Variants in LIN7A observed in about 807,000 individuals in gnomAD.
LIN7A encodes the protein protein lin-7 homolog A.
A neutral mutation model predicts 29.8 loss-of-function variants in LIN7A; 25 were observed. That is an observed-to-expected ratio of 0.84 (90% confidence interval 0.61 to 1.17). The LOEUF (loss-of-function observed/expected upper bound fraction) is 1.17. LIN7A is among the 50% of genes most tolerant of loss of function. The probability of loss-of-function intolerance (pLI) is 0.00; values close to 1 mark genes in which losing one functional copy is unlikely to be tolerated. For synonymous variants in LIN7A, 118 were observed against 107.5 expected, an observed-to-expected ratio of 1.10 and a Z score of -0.60; for missense variants, 239 against 287.0, an observed-to-expected ratio of 0.83 and a Z score of 1.21.
rs1285781054 is a variant in LIN7A at position 80,807,065 on chromosome 12, T to TTTTTTTTG, written c.*4399_*4400insCAAAAAAA. ...ATAGGAAATTTAATGAAGATGGAGTTTTTTTTTTTTTTTTTTTTTTTTTTT... is the reference window on the plus strand; with the variant it reads ...ATAGGAAATTTAATGAAGATGGAGTTTTTTTTTGTTTTTTTTTTTTTTTTTTTTTTTTT... On this transcript the variant is annotated intron_variant, in intron 5 of 5. Coordinates refer to ENST00000552864, the MANE Select transcript of LIN7A (RefSeq NM_004664.4). Among the ~76,000 whole-genome samples the TTTTTTTTG allele has an allele frequency of 3.4e-4, 16 of 46,624 alleles. 1 individual carries two copies. Among genetic ancestry groups the TTTTTTTTG allele is most frequent in the South Asian group, 2.2e-3 (2 of 898 alleles). The allele number at this position is 46,624 out of a possible 152,430, so 30.6% of individuals were successfully genotyped here. A position where few individuals can be genotyped will look rare whatever the true frequency, so the allele number is the denominator to read the frequency against.
intron 4 of LIN7A, chr12:80,845,431 A>G: frequency 3.7e-6 from 1 of 268,642 alleles, no homozygotes. Context: ...GTATCTTGAA[A>G]TTACTGTATT....
chr12:80,807,312 C>T (rs1391999373), intron 5 of LIN7A, among the ~76,000 whole-genome samples: 1 of 152,014 alleles, frequency 6.6e-6, no homozygotes. Flanking sequence ...CCTTGTGATC[C>T]ACCTGCCTTG....
At position 80,793,554 on chromosome 12, in the gene LIN7A, G is replaced by C. The variant is rs1435404824; in HGVS notation, c.*4173C>G. The C allele has an allele frequency of 6.6e-6, 1 of 152,120 alleles. No individual in the cohort carries two copies. Among genetic ancestry groups the C allele is most frequent in the Non-Finnish European group, 1.5e-5 (1 of 68,006 alleles). The allele number at this position is 152,120 out of a possible 1,614,324, so 9.4% of individuals were successfully genotyped here. A position where few individuals can be genotyped will look rare whatever the true frequency, so the allele number is the denominator to read the frequency against. The stretch of plus-strand genomic sequence containing the variant: ...AGTTTCTCACAGTAACCTCCAAGAG[G>C]GATTGTGTCTGTCTTGTTTGCTGTT... On this transcript the variant is annotated 3_prime_UTR_variant, in exon 6 of 6. Coordinates refer to ENST00000552864, the MANE Select transcript of LIN7A (RefSeq NM_004664.4).
chr12:80,843,524 G>C (rs548163047), intron 4 of LIN7A, among the ~76,000 whole-genome samples: 1 of 152,114 alleles, frequency 6.6e-6, no homozygotes, highest in African/African-American at 2.4e-5. Flanking sequence ...AGCAGAGTTT[G>C]CCATAAGACT....
intron 2 of LIN7A, among the ~76,000 whole-genome samples, chr12:80,877,355 C>G (rs1874764176): frequency 6.6e-6 from 1 of 151,910 alleles, no homozygotes; most frequent in South Asian, 2.1e-4. Context: ...GCAGCTAAAG[C>G]GAATGAACCA....
intron 2 of LIN7A, among the ~76,000 whole-genome samples, chr12:80,884,092 T>C (rs542733703): frequency 6.6e-6 from 1 of 152,206 alleles, no homozygotes; most frequent in Non-Finnish European, 1.5e-5. Context: ...GCAAATAAAA[T>C]TTGTGACCTA....
intron 4 of LIN7A, among the ~76,000 whole-genome samples, chr12:80,811,993 C>T (rs950626518): frequency 2.0e-5 from 3 of 151,858 alleles, no homozygotes; most frequent in Non-Finnish European, 2.9e-5. Context: ...AGAGTAAATG[C>T]ACTAGTCAAC....
At chr12:80,870,770 A>G (rs1874389561) in intron 2 of LIN7A, among the ~76,000 whole-genome samples, 1 of 152,216 alleles carries the variant, frequency 6.6e-6, no homozygotes, top group Admixed American at 6.5e-5. Context: ...AGAACATCAG[A>G]GTGCTCCTCC....
intron 2 of LIN7A, among the ~76,000 whole-genome samples, chr12:80,876,209 T>C (rs1874694366): frequency 6.6e-6 from 1 of 151,954 alleles, no homozygotes; most frequent in Admixed American, 6.5e-5. Context: ...GCCACCCCTG[T>C]TCCCCAAACT....
At chr12:80,847,386 A>T (rs1873127545) in intron 3 of LIN7A, among the ~76,000 whole-genome samples, 1 of 152,126 alleles carries the variant, frequency 6.6e-6, no homozygotes, top group South Asian at 2.1e-4. Flanking sequence ...AAACAAAACA[A>T]AAAAACCTTA....
chr12:80,808,651 G>A (rs1480281227), intron 5 of LIN7A, among the ~76,000 whole-genome samples: 2 of 151,414 alleles, frequency 1.3e-5, no homozygotes, highest in African/African-American at 4.9e-5. Context: ...GACTACAGGC[G>A]CCCGCCACCA....
intron 1 of LIN7A, among the ~76,000 whole-genome samples, chr12:80,934,216 A>T (rs886180444): frequency 6.6e-6 from 1 of 152,224 alleles, no homozygotes; most frequent in African/African-American, 2.4e-5. Context: ...TAATTACCAC[A>T]AAAAGTAGAA....
intron 2 of LIN7A, among the ~76,000 whole-genome samples, chr12:80,862,889 A>G (rs1873945375): frequency 6.6e-6 from 1 of 152,238 alleles, no homozygotes; most frequent in African/African-American, 2.4e-5. Flanking sequence ...AGAATTAAAG[A>G]TTCCAGATTG....
intron 4 of LIN7A, among the ~76,000 whole-genome samples, chr12:80,815,772 C>T (rs1476024598): frequency 6.6e-6 from 1 of 152,156 alleles, no homozygotes; most frequent in African/African-American, 2.4e-5. Context: ...TATCCCCTTG[C>T]TTTAAGAGTT....
chr12:80,895,376 A>T (rs536896256), intron 1 of LIN7A, among the ~76,000 whole-genome samples: 31 of 152,338 alleles, frequency 2.0e-4, no homozygotes, highest in African/African-American at 7.2e-4. Flanking sequence ...TCATTCTCTA[A>T]TGATGAGTTT....
At chr12:80,804,807 G>T (rs1417001161) in intron 5 of LIN7A, among the ~76,000 whole-genome samples, 1 of 152,068 alleles carries the variant, frequency 6.6e-6, no homozygotes, top group Non-Finnish European at 1.5e-5. Context: ...AGCCGCTTTG[G>T]CCTCCCAAAA....
At chr12:80,868,842 G>C (rs997272172) in intron 2 of LIN7A, among the ~76,000 whole-genome samples, 3 of 152,066 alleles carry the variant, frequency 2.0e-5, no homozygotes, top group African/African-American at 7.2e-5. Context: ...TTCAGGTGGG[G>C]GGGCCCATAT....
intron 5 of LIN7A, among the ~76,000 whole-genome samples, chr12:80,809,057 C>A (rs1592850612): frequency 1.3e-5 from 2 of 151,452 alleles, no homozygotes; most frequent in East Asian, 2.0e-4. Flanking sequence ...TCGATCTCGG[C>A]TTACTGCAAT....
At chr12:80,834,222 A>G (rs923209902) in intron 4 of LIN7A, among the ~76,000 whole-genome samples, 1 of 152,190 alleles carries the variant, frequency 6.6e-6, no homozygotes, top group African/African-American at 2.4e-5. Flanking sequence ...CTGGGTGATA[A>G]GATAGGTTCA....
Sources: gnomAD v4.1 joint callset for allele counts (sites outside exome capture counted in the v4.1 genomes callset) on GRCh38, gnomAD v4.1.1 for gene constraint, MANE v1.5 for transcripts, NCBI Gene and HGNC (gene_info 2026-07-23, HGNC 2026-07-21) for gene names.